HS3ST2: variants seen among roughly 807,000 people sequenced by gnomAD.
The protein encoded by HS3ST2 is heparan sulfate glucosamine 3-O-sulfotransferase 2.
Under a neutral mutation model 26.3 loss-of-function variants are expected in HS3ST2, and 17 were observed. The ratio of observed to expected loss-of-function variants is 0.65; its 90% CI spans 0.44 to 0.97. HS3ST2 has a LOEUF of 0.97. Ranked by LOEUF, HS3ST2 falls within the 50% of genes least tolerant of loss-of-function variation. The probability of loss-of-function intolerance (pLI) is 0.00; values close to 1 mark genes in which losing one functional copy is unlikely to be tolerated. For synonymous variants in HS3ST2, 237 were observed against 219.2 expected (o/e 1.08, Z -0.72); for missense variants, 402 against 501.2 (o/e 0.80, Z 1.89).
intron 1 of HS3ST2, among the ~76,000 whole-genome samples, chr16:22,854,485 A>T (rs1310993994): frequency 6.6e-6 from 1 of 152,144 alleles, no homozygotes; most frequent in Non-Finnish European, 1.5e-5. Flanking sequence ...GTTCACAGAT[A>T]TACATTTTCT....
chr16:22,870,704 C>T (rs1567492847), intron 1 of HS3ST2, among the ~76,000 whole-genome samples: 1 of 152,102 alleles, frequency 6.6e-6, no homozygotes, highest in Non-Finnish European at 1.5e-5. Context: ...ATATTTGCTC[C>T]TCTGAGAGCC....
At chr16:22,815,311 G>C (rs1163093133) in intron 1 of HS3ST2, among the ~76,000 whole-genome samples, 1 of 152,190 alleles carries the variant, frequency 6.6e-6, no homozygotes, top group Non-Finnish European at 1.5e-5. Flanking sequence ...GCGTTCCCTC[G>C]TCACTGGAGT....
intron 1 of HS3ST2, among the ~76,000 whole-genome samples, chr16:22,884,824 T>C (rs1902038388): frequency 6.7e-6 from 1 of 148,190 alleles, no homozygotes; most frequent in African/African-American, 2.5e-5. Flanking sequence ...TCACTCTTTT[T>C]TCTTTCTCTC....
intron 1 of HS3ST2, among the ~76,000 whole-genome samples, chr16:22,878,926 G>A (rs2141196095): frequency 6.6e-6 from 1 of 152,350 alleles, no homozygotes; most frequent in Non-Finnish European, 1.5e-5. Context: ...GGGAGGGCGA[G>A]ATGGCTGGAG....
At chr16:22,855,672 C>T (rs1484828078) in intron 1 of HS3ST2, among the ~76,000 whole-genome samples, 1 of 148,728 alleles carries the variant, frequency 6.7e-6, no homozygotes, top group Non-Finnish European at 1.5e-5. Context: ...AGTTCTTTCT[C>T]TCTGTCTGTC....
At chr16:22,825,753 G>A (rs2141176242) in intron 1 of HS3ST2, among the ~76,000 whole-genome samples, 1 of 152,314 alleles carries the variant, frequency 6.6e-6, no homozygotes, top group East Asian at 1.9e-4. Context: ...GCCGGGAGCG[G>A]GGGCTCACAC....
chr16:22,915,640 C>A lies in HS3ST2; in HGVS notation c.*78C>A. ...GATTTGCTCCCAGACCCTCTGATCT[C>A]CCTCCAACAAACCCTGGCTCCAGCC... On this transcript the variant is annotated 3_prime_UTR_variant, in exon 2 of 2. Transcript: ENST00000261374. The A allele has an allele frequency of 6.9e-7, 1 of 1,455,948 alleles. No individual in the cohort carries two copies. Among genetic ancestry groups the A allele is most frequent in the Non-Finnish European group, 9.3e-7 (1 of 1,076,182 alleles). 90.2% of individuals were successfully genotyped at this position (1,455,948 alleles called of 1,614,324 possible).
At chr16:22,852,807 A>C (rs1399000639) in intron 1 of HS3ST2, among the ~76,000 whole-genome samples, 1 of 152,152 alleles carries the variant, frequency 6.6e-6, no homozygotes, top group African/African-American at 2.4e-5. Flanking sequence ...TCACCAAGGA[A>C]CCGAATTCAT....
chr16:22,853,599 C>G (rs1208718813), intron 1 of HS3ST2, among the ~76,000 whole-genome samples: 2 of 152,144 alleles, frequency 1.3e-5, no homozygotes, highest in African/African-American at 4.8e-5. Flanking sequence ...GCATTGGTTT[C>G]AGATGCTAGG....
intron 1 of HS3ST2, among the ~76,000 whole-genome samples, chr16:22,865,321 G>A (rs1002638666): frequency 5.3e-5 from 8 of 152,070 alleles, no homozygotes; most frequent in East Asian, 1.9e-4. Flanking sequence ...TTGGGAGGCC[G>A]AGGAGGGCAG....
intron 1 of HS3ST2, among the ~76,000 whole-genome samples, chr16:22,860,141 A>C (rs1169561787): frequency 6.6e-6 from 1 of 152,180 alleles, no homozygotes; most frequent in Non-Finnish European, 1.5e-5. Flanking sequence ...ATGAAGACCT[A>C]GCTGAGAGTG....
intron 1 of HS3ST2, among the ~76,000 whole-genome samples, chr16:22,889,830 C>A (rs926440389): frequency 6.6e-6 from 1 of 152,118 alleles, no homozygotes; most frequent in Non-Finnish European, 1.5e-5. Flanking sequence ...CTACCACAAC[C>A]AGGAAGTGAG....
intron 1 of HS3ST2, among the ~76,000 whole-genome samples, chr16:22,907,182 G>A (rs756178769): frequency 2.2e-4 from 34 of 152,212 alleles, no homozygotes; most frequent in African/African-American, 4.8e-4. Flanking sequence ...GAAAGGGCAG[G>A]TTCATGTTTG....
At chr16:22,896,376 G>A (rs1000992593) in intron 1 of HS3ST2, among the ~76,000 whole-genome samples, 8 of 152,068 alleles carry the variant, frequency 5.3e-5, no homozygotes, top group Non-Finnish European at 7.4e-5. Flanking sequence ...GTTTTATTTC[G>A]TTCAGACTAG....
intron 1 of HS3ST2, among the ~76,000 whole-genome samples, chr16:22,900,632 A>T (rs1902270576): frequency 6.6e-6 from 1 of 152,080 alleles, no homozygotes. Context: ...TTGAGGAGAA[A>T]TAACTGAAGT....
Position 22,814,216 on chromosome 16 carries a change from C to A in HS3ST2, c.-395C>A. ...GGCGCCAGCGCCACCGTCCGGTCCA[C>A]CCGCCAGCCCGCACAGCCGCGCCGC... On this transcript the variant is annotated 5_prime_UTR_variant, in exon 1 of 2. Transcript: ENST00000261374. 5.6e-6 allele frequency: 1 copy of A among 179,990 alleles called. No homozygotes were observed. The allele number at this position is 179,990 out of a possible 1,614,324, so 11.1% of individuals were successfully genotyped here.
intron 1 of HS3ST2, among the ~76,000 whole-genome samples, chr16:22,831,081 GA>G (rs1185966302): frequency 6.6e-6 from 1 of 152,206 alleles, no homozygotes; most frequent in Non-Finnish European, 1.5e-5. Flanking sequence ...AAAACTATTA[GA>G]AAGGTGTTAA....
intron 1 of HS3ST2, among the ~76,000 whole-genome samples, chr16:22,885,879 G>A (rs957360871): frequency 3.9e-5 from 6 of 152,240 alleles, no homozygotes; most frequent in Admixed American, 6.5e-5. Context: ...AAAATGCCTG[G>A]AGTCAGAGAT....
At chr16:22,838,709 A>G (rs1351663343) in intron 1 of HS3ST2, among the ~76,000 whole-genome samples, 1 of 152,220 alleles carries the variant, frequency 6.6e-6, no homozygotes, top group African/African-American at 2.4e-5. Flanking sequence ...ATCTGTTTAA[A>G]GGACAATGGT....
Sources: allele counts gnomAD v4.1 joint callset (sites outside exome capture counted in the v4.1 genomes callset), GRCh38; gene constraint gnomAD v4.1.1; transcripts MANE v1.5; gene names NCBI Gene and HGNC (gene_info 2026-07-23, HGNC 2026-07-21).